Variants in ADAMTSL1 observed in about 807,000 individuals in gnomAD.
ADAMTSL1 encodes the protein ADAMTS like 1.
In ADAMTSL1, 126 loss-of-function variants were observed where a neutral mutation model predicts 201.8. The ratio of observed to expected loss-of-function variants is 0.62; its 90% confidence interval spans 0.54 to 0.72. The LOEUF (loss-of-function observed/expected upper bound fraction) is 0.72. ADAMTSL1 is among the 30% of genes least tolerant of loss of function. The pLI, the probability that ADAMTSL1 is intolerant of heterozygous loss-of-function variation, is 0.00. For missense variants in ADAMTSL1, 2,679 were observed against 2,277.8 expected (o/e 1.18, Z -3.59); for synonymous variants, 1,121 against 903.4 (o/e 1.24, Z -4.32).
chr9:18,401,410 A>G (rs1222649461), intron 2 of ADAMTSL1, among the ~76,000 whole-genome samples: 1 of 152,190 alleles, frequency 6.6e-6, no homozygotes, highest in African/African-American at 2.4e-5. Flanking sequence ...TTTCAGCTTA[A>G]TCTCTCACTG....
At chr9:17,986,897 T>C (rs1818950752) in intron 1 of ADAMTSL1, among the ~76,000 whole-genome samples, 1 of 152,216 alleles carries the variant, frequency 6.6e-6, no homozygotes, top group East Asian at 1.9e-4. Context: ...AATAAAAAAG[T>C]GCTAAAATGT....
chr9:18,368,047 C>T (rs1204182008), intron 2 of ADAMTSL1, among the ~76,000 whole-genome samples: 1 of 151,812 alleles, frequency 6.6e-6, no homozygotes, highest in Non-Finnish European at 1.5e-5. Flanking sequence ...CTACAGGCGC[C>T]CGCCACCACG....
At chr9:18,524,181 G>C (rs1164350545) in intron 2 of ADAMTSL1, among the ~76,000 whole-genome samples, 2 of 152,078 alleles carry the variant, frequency 1.3e-5, no homozygotes, top group African/African-American at 4.8e-5. Context: ...TGGATTCCTA[G>C]GTATTATTCT....
At chr9:18,527,884 C>T (rs1819186882) in intron 2 of ADAMTSL1, among the ~76,000 whole-genome samples, 1 of 152,096 alleles carries the variant, frequency 6.6e-6, no homozygotes, top group African/African-American at 2.4e-5. Flanking sequence ...ATGTATTCCA[C>T]CCGCCCCCCT....
chr9:18,795,670 G>A (rs919535656), intron 20 of ADAMTSL1, 146 bp downstream of exon 20: 4 of 900,726 alleles, frequency 4.4e-6, no homozygotes, highest in African/African-American at 3.4e-5. Flanking sequence ...TACAACAGCA[G>A]TGTAGTATGA....
At chr9:18,840,482 T>G (rs1380375010) in intron 23 of ADAMTSL1, among the ~76,000 whole-genome samples, 1 of 152,230 alleles carries the variant, frequency 6.6e-6, no homozygotes, top group Admixed American at 6.5e-5. Context: ...TGCCTCCAGC[T>G]TTGTTCTTTT....
intron 1 of ADAMTSL1, among the ~76,000 whole-genome samples, chr9:17,941,551 C>T (rs1323796472): frequency 6.6e-6 from 1 of 152,106 alleles, no homozygotes; most frequent in Non-Finnish European, 1.5e-5. Flanking sequence ...ACAGTCTCTA[C>T]CATTTATCCT....
chr9:18,879,168 G>A (rs975034115), intron 23 of ADAMTSL1, among the ~76,000 whole-genome samples: 8 of 152,218 alleles, frequency 5.3e-5, no homozygotes, highest in African/African-American at 1.7e-4. Flanking sequence ...GAGAGAAGAG[G>A]AGGGGTGAGA....
chr9:18,380,008 T>TA (rs1244405582), intron 2 of ADAMTSL1, among the ~76,000 whole-genome samples: 1 of 152,216 alleles, frequency 6.6e-6, no homozygotes, highest in African/African-American at 2.4e-5. Flanking sequence ...CAGGGGCTGT[T>TA]AAAATAAGAA....
chr9:18,810,761 T>C lies in ADAMTSL1; in HGVS notation c.3806-6348T>C, dbSNP rs561639904. ...CTGATAAAGGCCTATTAAAACACAA[T>C]GTACACAGGACTTCGACTTCTGGAA... On this transcript the variant is annotated intron_variant, in intron 20 of 28. Transcript: ENST00000380548. Among the ~76,000 whole-genome samples, 3 of 152,232 alleles carry C rather than the reference T, an allele frequency of 2.0e-5. No homozygotes were observed. In the East Asian group the frequency reaches 5.8e-4, roughly 29 times the overall value.
chr9:18,066,825 A>G (rs997093259), intron 1 of ADAMTSL1, among the ~76,000 whole-genome samples: 15 of 152,216 alleles, frequency 9.9e-5, no homozygotes, highest in African/African-American at 3.6e-4. Flanking sequence ...TGATGAGTTC[A>G]TGTCCTTTGG....
chr9:18,770,471 T>G, intron 16 of ADAMTSL1, 131 bp from the exon 17 acceptor site: 3 of 938,144 alleles, frequency 3.2e-6, no homozygotes, highest in Non-Finnish European at 4.6e-6. Context: ...TTTGGGCCGA[T>G]TCCTGGTTTT....
At chr9:18,665,075 G>A (rs1829349191) in intron 9 of ADAMTSL1, among the ~76,000 whole-genome samples, 1 of 151,954 alleles carries the variant, frequency 6.6e-6, no homozygotes, top group South Asian at 2.1e-4. Flanking sequence ...AAGTTCCTCA[G>A]TTATGTCTAG....
intron 2 of ADAMTSL1, among the ~76,000 whole-genome samples, chr9:18,192,507 G>A (rs182644780): frequency 2.5e-4 from 38 of 152,220 alleles, no homozygotes; most frequent in African/African-American, 8.7e-4. Flanking sequence ...TAAGCTTGCT[G>A]AACCTTTCCA....
chr9:18,160,735 A>G (rs1289559914), intron 1 of ADAMTSL1, among the ~76,000 whole-genome samples: 1 of 151,380 alleles, frequency 6.6e-6, no homozygotes, highest in Admixed American at 6.6e-5. Context: ...GCCAGAGTGT[A>G]GTGGCACAGT....
At chr9:18,902,936 G>A (rs1215613605) in intron 26 of ADAMTSL1, among the ~76,000 whole-genome samples, 1 of 152,192 alleles carries the variant, frequency 6.6e-6, no homozygotes, top group African/African-American at 2.4e-5. Flanking sequence ...CAGGCACGGT[G>A]GCTCATACCT....
chr9:18,252,202 G>A (rs1831490575), intron 2 of ADAMTSL1, among the ~76,000 whole-genome samples: 1 of 151,964 alleles, frequency 6.6e-6, no homozygotes, highest in Non-Finnish European at 1.5e-5. Flanking sequence ...AATATTAAGA[G>A]TTTCTATAAT....
intron 23 of ADAMTSL1, among the ~76,000 whole-genome samples, chr9:18,876,112 A>G (rs1357772562): frequency 6.6e-6 from 1 of 151,910 alleles, no homozygotes; most frequent in Non-Finnish European, 1.5e-5. Flanking sequence ...CTACCCCTTT[A>G]CCTTAAGTTT....
chr9:18,183,474 A>G (rs573350034), intron 2 of ADAMTSL1, among the ~76,000 whole-genome samples: 19 of 152,352 alleles, frequency 1.2e-4, no homozygotes, highest in African/African-American at 4.6e-4. Flanking sequence ...TGCAGAAGAC[A>G]TCTGAAAAAG....
Sources: gnomAD v4.1 joint callset for allele counts (sites outside exome capture counted in the v4.1 genomes callset) on GRCh38, gnomAD v4.1.1 for gene constraint, MANE v1.5 for transcripts, NCBI Gene and HGNC (gene_info 2026-07-23, HGNC 2026-07-21) for gene names.